WDPCP: variants seen among roughly 807,000 people sequenced by gnomAD.
WDPCP encodes the protein WD repeat-containing and planar cell polarity effector protein fritz homolog.
In WDPCP, 71 loss-of-function variants were observed where a neutral mutation model predicts 93.1. The ratio of observed to expected loss-of-function variants is 0.76; its 90% CI spans 0.63 to 0.93. The LOEUF is 0.93. Among genes scored for constraint, WDPCP ranks in the 40% least tolerant of loss-of-function variants. The pLI is 0.00. For missense variants in WDPCP, 844 were observed against 887.4 expected (o/e 0.95, Z 0.62); for synonymous variants, 315 against 315.0 (o/e 1.00, Z 0.00).
At chr2:63,559,090 A>C (rs890547024) in intron 1 of WDPCP, among the ~76,000 whole-genome samples, 1 of 152,208 alleles carries the variant, frequency 6.6e-6, no homozygotes, top group Admixed American at 6.5e-5. Context: ...CACCACGATC[A>C]AGTCAGCTTC....
At chr2:63,595,963 G>C (rs999273764) in intron 3 of WDPCP, among the ~76,000 whole-genome samples, 4 of 152,098 alleles carry the variant, frequency 2.6e-5, no homozygotes, top group African/African-American at 9.7e-5. Context: ...CTGGAAGTTG[G>C]TTGGTTCCTC....
chr2:63,388,674 C>T (rs1424719918), intron 10 of WDPCP, among the ~76,000 whole-genome samples: 3 of 152,110 alleles, frequency 2.0e-5, no homozygotes. Context: ...GAATGGCTAA[C>T]TAGAATAAAC....
chr2:63,311,474 C>T (rs1231787200), intron 13 of WDPCP, among the ~76,000 whole-genome samples: 1 of 152,160 alleles, frequency 6.6e-6, no homozygotes, highest in Non-Finnish European at 1.5e-5. Context: ...TTTTGAGCTT[C>T]TTTAAAGCAG....
intron 2 of WDPCP, among the ~76,000 whole-genome samples, chr2:63,737,431 C>G (rs1558898641): frequency 6.6e-6 from 1 of 152,318 alleles, no homozygotes; most frequent in East Asian, 1.9e-4. Flanking sequence ...AACTCAGAGA[C>G]AGATGAGGTA....
upstream of WDPCP, among the ~76,000 whole-genome samples, chr2:63,830,910 A>G (rs568864521): frequency 2.6e-5 from 4 of 152,300 alleles, no homozygotes; most frequent in Non-Finnish European, 5.9e-5. Flanking sequence ...CCAGCAGGCT[A>G]GATTTTTTTT....
At chr2:63,374,939 A>T (rs1234786617) in intron 12 of WDPCP, among the ~76,000 whole-genome samples, 1 of 152,070 alleles carries the variant, frequency 6.6e-6, no homozygotes, top group South Asian at 2.1e-4. Flanking sequence ...AAAAAATTTT[A>T]TTTCTAGGCA....
intron 14 of WDPCP, among the ~76,000 whole-genome samples, chr2:63,182,707 A>G (rs190869763): frequency 2.5e-4 from 38 of 151,644 alleles, no homozygotes; most frequent in African/African-American, 8.2e-4. Flanking sequence ...GAAGCATTTC[A>G]GAGGGCATTG....
chr2:63,596,317 A>G (rs1040107938), intron 3 of WDPCP, among the ~76,000 whole-genome samples: 1 of 152,214 alleles, frequency 6.6e-6, no homozygotes, highest in Non-Finnish European at 1.5e-5. Context: ...TGTTGAATAA[A>G]CATTTGCTAG....
chr2:63,128,242 G>C (rs1670052682), intron 17 of WDPCP, among the ~76,000 whole-genome samples: 1 of 152,046 alleles, frequency 6.6e-6, no homozygotes, highest in African/African-American at 2.4e-5. Context: ...TATTACCCTT[G>C]ACTATGAGCA....
chr2:63,744,802 G>T (rs943243023), intron 2 of WDPCP, among the ~76,000 whole-genome samples: 5 of 151,860 alleles, frequency 3.3e-5, no homozygotes, highest in Non-Finnish European at 5.9e-5. Context: ...TGAGATTCTA[G>T]GTCCCCCTTT....
intron 13 of WDPCP, among the ~76,000 whole-genome samples, chr2:63,311,281 T>C (rs1686170027): frequency 6.6e-6 from 1 of 152,166 alleles, no homozygotes; most frequent in Non-Finnish European, 1.5e-5. Flanking sequence ...AAGCTTTTAA[T>C]TTCAAAAGAG....
At chr2:63,434,033 A>G (rs1696961989) in intron 8 of WDPCP, 97 bp from the exon 9 acceptor site, 5 of 1,253,248 alleles carry the variant, frequency 4.0e-6, no homozygotes, top group South Asian at 3.9e-5. Flanking sequence ...ATGTAGTTAC[A>G]TGCAAGTAAA....
chr2:63,814,456 A>T (rs2104101105), intron 1 of WDPCP, among the ~76,000 whole-genome samples: 1 of 152,308 alleles, frequency 6.6e-6, no homozygotes, highest in Admixed American at 6.5e-5. Context: ...TATGAAGAGA[A>T]GGCAAAGGAA....
chr2:63,677,571 AAAAACT>A (rs1710439297), intron 2 of WDPCP, among the ~76,000 whole-genome samples: 1 of 152,212 alleles, frequency 6.6e-6, no homozygotes, highest in Admixed American at 6.5e-5. Context: ...GCCACAGAAT[AAAAACT>A]ATAAAGAAAC....
At chr2:63,812,883 ATT>A (rs940141489) in intron 2 of WDPCP, among the ~76,000 whole-genome samples, 1 of 144,064 alleles carries the variant, frequency 6.9e-6, no homozygotes. Flanking sequence ...AAATCACTTT[ATT>A]TTTTTTTTTT....
chr2:63,384,133 G>T lies in WDPCP; in HGVS notation c.1436-2039C>A, dbSNP rs539632773. ...AGTATATTAGAAAATATTTTTAATT[G>T]AATTAAAGTAAGACCCAAAGTAAAT... On this transcript the variant is annotated intron_variant, in intron 10 of 17. Transcript: ENST00000272321. Among the ~76,000 whole-genome samples, 124 of 152,132 alleles carry T rather than the reference G, an allele frequency of 8.2e-4. 1 individual carries two copies. The highest frequency in any genetic ancestry group is 2.7e-3 in the African/African-American group (114 of 41,534).
intron 2 of WDPCP, among the ~76,000 whole-genome samples, chr2:63,704,652 T>C: frequency 6.6e-6 from 1 of 152,348 alleles, no homozygotes; most frequent in South Asian, 2.1e-4. Flanking sequence ...TGAAGCCCAC[T>C]TGATCATGGT....
intron 2 of WDPCP, among the ~76,000 whole-genome samples, chr2:63,676,288 T>C (rs566485669): frequency 9.8e-5 from 15 of 152,302 alleles, no homozygotes; most frequent in African/African-American, 2.6e-4. Context: ...AAGTGAAAGG[T>C]ATCTAAGTGC....
chr2:63,166,542 C>T (rs1672998612), intron 15 of WDPCP, among the ~76,000 whole-genome samples: 1 of 152,052 alleles, frequency 6.6e-6, no homozygotes. Flanking sequence ...AGGCGTGTTC[C>T]ACCACGCCTG....
Sources: gnomAD v4.1 joint callset for allele counts (sites outside exome capture counted in the v4.1 genomes callset) on GRCh38, gnomAD v4.1.1 for gene constraint, MANE v1.5 for transcripts, NCBI Gene and HGNC (gene_info 2026-07-23, HGNC 2026-07-21) for gene names.